The following NPLOC4 variants were observed in gnomAD, a reference collection of about 807,000 sequenced individuals.
NPLOC4 encodes nuclear protein localization protein 4 homolog.
Under a neutral mutation model 80.6 loss-of-function variants are expected in NPLOC4, and 18 were observed. The ratio of observed to expected loss-of-function variants is 0.22; its 90% CI spans 0.15 to 0.33. The LOEUF (loss-of-function observed/expected upper bound fraction) is 0.33. Among genes scored for constraint, NPLOC4 ranks in the 10% least tolerant of loss-of-function variants. The pLI, the probability that NPLOC4 is intolerant of heterozygous loss-of-function variation, is 1.00. For synonymous variants in NPLOC4, 313 were observed against 301.5 expected, an observed-to-expected ratio of 1.04 and a Z score of -0.39; for missense variants, 540 against 786.1, an observed-to-expected ratio of 0.69 and a Z score of 3.74.
In NPLOC4 at chr17:81,580,142, G is replaced by A. The variant is rs867921076; in HGVS notation, c.1282-8054C>T. ...GGGTTCTCCTCAGCCATCCCCTCCA[G>A]GATGGACAACTCGGCCTCTCACCAG... On this transcript the variant is annotated intron_variant, in intron 12 of 16. Transcript: ENST00000331134. This position sits in a 1 kb window ranked among gnomAD's most constrained non-coding sequence, Gnocchi z 4.4. 2.6e-5 allele frequency among the ~76,000 whole-genome samples: 4 copies of A among 152,116 alleles called. No individual in the cohort carries two copies. Among genetic ancestry groups the A allele is most frequent in the Non-Finnish European group, 4.4e-5 (3 of 68,020 alleles).
intron 2 of NPLOC4, among the ~76,000 whole-genome samples, chr17:81,625,528 G>A (rs1055585900): frequency 6.6e-6 from 1 of 152,156 alleles, no homozygotes; most frequent in African/African-American, 2.4e-5. Flanking sequence ...CACAAGAACA[G>A]AAATAAAAAA....
rs60092546 is a variant in NPLOC4 at position 81,623,464 on chromosome 17, CAAAAAA to C, written c.97-1192_97-1187del. On this transcript the variant is annotated intron_variant, in intron 2 of 16. Coordinates refer to ENST00000331134, the MANE Select transcript of NPLOC4 (RefSeq NM_017921.4). ...TGGGTGACAGAGCAAGACTTTGTTTCAAAAAAAAAAAAAAAAAAAAGCAAAACTCTG... is the reference window on the plus strand; with the variant it reads ...TGGGTGACAGAGCAAGACTTTGTTTCAAAAAAAAAAAAAAGCAAAACTCTG... Among the ~76,000 whole-genome samples the C allele has an allele frequency of 1.1e-3, 94 of 82,614 alleles. No individual in the cohort carries two copies. The South Asian group carries it at 0.012, about 10-fold the overall frequency. The allele number at this position is 82,614 out of a possible 152,430, so 54.2% of individuals were successfully genotyped here. A position where few individuals can be genotyped will look rare whatever the true frequency, so the allele number is the denominator to read the frequency against.
At chr17:81,627,697 G>T (rs757737774) in intron 2 of NPLOC4, among the ~76,000 whole-genome samples, 7 of 152,080 alleles carry the variant, frequency 4.6e-5, no homozygotes, top group Non-Finnish European at 8.8e-5. Flanking sequence ...GAACACAGGA[G>T]GCAGAGGCTG....
chr17:81,580,101 T>C lies in NPLOC4; in HGVS notation c.1282-8013A>G, dbSNP rs1038953096. On this transcript the variant is annotated intron_variant, in intron 12 of 16. Coordinates refer to ENST00000331134, the MANE Select transcript of NPLOC4 (RefSeq NM_017921.4). The surrounding 1 kb of genome is among the most constrained non-coding windows in gnomAD (Gnocchi z 4.4). ...CTCCTGCCTCCCAGTGCTCTCCACCTCATTCCCCCAAGGTGGGGTTCTCCT... is the reference window on the plus strand; with the variant it reads ...CTCCTGCCTCCCAGTGCTCTCCACCCCATTCCCCCAAGGTGGGGTTCTCCT... Among the ~76,000 whole-genome samples the C allele has an allele frequency of 6.6e-6, 1 of 152,076 alleles. No individual in the cohort carries two copies. The highest frequency in any genetic ancestry group is 1.5e-5 in the Non-Finnish European group (1 of 68,010).
rs2033749023 is a variant in NPLOC4, at chr17:81,558,971, T to TCTTTCCAACACAGCGGGGGA, written c.*287_*288insTCCCCCGCTGTGTTGGAAAG. On this transcript the variant is annotated 3_prime_UTR_variant, in exon 17 of 17. Coordinates refer to ENST00000331134, the MANE Select transcript of NPLOC4 (RefSeq NM_017921.4). ...CCAGGTGCCACGTAGAGGCGAGAGGTCTTTCCAACACGGCGGGGGACTTGT... is the reference window on the plus strand; with the variant it reads ...CCAGGTGCCACGTAGAGGCGAGAGGTCTTTCCAACACAGCGGGGGACTTTCCAACACGGCGGGGGACTTGT... 1 of 330,828 alleles carries TCTTTCCAACACAGCGGGGGA rather than the reference T, an allele frequency of 3.0e-6. No homozygotes were observed. Among genetic ancestry groups the TCTTTCCAACACAGCGGGGGA allele is most frequent in the Non-Finnish European group, 5.5e-6 (1 of 181,050 alleles). 20.5% of individuals were successfully genotyped at this position (330,828 alleles called of 1,614,324 possible).
chr17:81,559,202 T>C lies in NPLOC4; in HGVS notation c.*57A>G. ...TACAGGGAACACACTCAGCAACGCT[T>C]CTGGCTTCAGGAAGGGCTGGGCTGG... On this transcript the variant is annotated 3_prime_UTR_variant, in exon 17 of 17. Coordinates refer to ENST00000331134, the MANE Select transcript of NPLOC4 (RefSeq NM_017921.4). The C allele has an allele frequency of 1.3e-6, 2 of 1,525,882 alleles. No homozygotes were observed. Among genetic ancestry groups the C allele is most frequent in the Non-Finnish European group, 1.8e-6 (2 of 1,134,072 alleles). The allele number at this position is 1,525,882 out of a possible 1,614,324, so 94.5% of individuals were successfully genotyped here.
Position 81,619,075 on chromosome 17 carries a change from G to A in NPLOC4, c.209+3091C>T, listed in dbSNP as rs894014646. 4.6e-5 allele frequency among the ~76,000 whole-genome samples: 7 copies of A among 152,176 alleles called. No individual in the cohort carries two copies. The East Asian group carries it at 7.7e-4, about 17-fold the overall frequency. Reference sequence around the variant, plus strand: ...AGGGACACAAACACTGCGGAAGGCCGCAGGGTCCTCTGCCTAGGAAAACCA... The same window carrying A: ...AGGGACACAAACACTGCGGAAGGCCACAGGGTCCTCTGCCTAGGAAAACCA... On this transcript the variant is annotated intron_variant, in intron 3 of 16. Coordinates refer to ENST00000331134, the MANE Select transcript of NPLOC4 (RefSeq NM_017921.4).
At chr17:81,576,331 G>A (rs2034300267) in intron 12 of NPLOC4, among the ~76,000 whole-genome samples, 1 of 152,222 alleles carries the variant, frequency 6.6e-6, no homozygotes, top group Non-Finnish European at 1.5e-5. Flanking sequence ...GGTTTGAACT[G>A]AGCAGGTCCA....
At chr17:81,585,951 T>G (rs934998942) in intron 12 of NPLOC4, among the ~76,000 whole-genome samples, 1 of 152,180 alleles carries the variant, frequency 6.6e-6, no homozygotes, top group Non-Finnish European at 1.5e-5. Flanking sequence ...ATCACGCCAC[T>G]GCACTCCAGT....
chr17:81,608,654 A>C, intron 6 of NPLOC4, 74 bp downstream of exon 6: 1 of 1,063,374 alleles, frequency 9.4e-7, no homozygotes. Flanking sequence ...TCACACGTTC[A>C]CTGGCTATAA....
chr17:81,610,022 C>A (rs1314882931), intron 5 of NPLOC4, among the ~76,000 whole-genome samples, 188 bp downstream of exon 5: 1 of 152,198 alleles, frequency 6.6e-6, no homozygotes, highest in Non-Finnish European at 1.5e-5. Flanking sequence ...GAAGGTCACT[C>A]CCATAAATAA....
At chr17:81,605,390 T>G (rs1187846842) in intron 7 of NPLOC4, among the ~76,000 whole-genome samples, 3 of 152,084 alleles carry the variant, frequency 2.0e-5, no homozygotes, top group African/African-American at 4.8e-5. Context: ...CTCATGCCTG[T>G]AATCCCAGCA....
chr17:81,596,384 G>T, intron 10 of NPLOC4, 142 bp from the exon 11 acceptor site: 3 of 886,746 alleles, frequency 3.4e-6, no homozygotes, highest in Non-Finnish European at 5.0e-6. Context: ...GAGGCGGGAG[G>T]TCCACTTGAG....
rs1455635810 is a variant in NPLOC4, at chr17:81,580,196, T to C, written c.1282-8108A>G. Among the ~76,000 whole-genome samples the C allele has an allele frequency of 6.6e-6, 1 of 152,122 alleles. No individual in the cohort carries two copies. The highest frequency in any genetic ancestry group is 2.4e-5 in the African/African-American group (1 of 41,414). On this transcript the variant is annotated intron_variant, in intron 12 of 16. Coordinates refer to ENST00000331134, the MANE Select transcript of NPLOC4 (RefSeq NM_017921.4). The surrounding 1 kb of genome is among the most constrained non-coding windows in gnomAD (Gnocchi z 4.4). ...TCAAGCACCACCCCAACACCATCTG[T>C]ACCATGTGCCTCTCCCAAGCAATGC...
intron 15 of NPLOC4, chr17:81,566,882 A>T (rs2034026703): frequency 1.9e-5 from 3 of 157,226 alleles, no homozygotes; most frequent in Admixed American, 1.2e-4. Flanking sequence ...TACCCAGAGC[A>T]GCCACTTCTG....
chr17:81,623,730 G>A (rs544246828), intron 2 of NPLOC4, among the ~76,000 whole-genome samples: 10 of 148,800 alleles, frequency 6.7e-5, no homozygotes, highest in African/African-American at 1.7e-4. Flanking sequence ...CCCGGGAGGC[G>A]GAGCTTGCAG....
intron 16 of NPLOC4, chr17:81,564,493 T>C (rs2033949862): frequency 6.6e-6 from 1 of 152,004 alleles, no homozygotes; most frequent in Admixed American, 6.6e-5. Context: ...AAGAATTGTG[T>C]GAAAAGAAAA....
intron 8 of NPLOC4, among the ~76,000 whole-genome samples, chr17:81,602,884 T>C (rs1160836166): frequency 6.6e-6 from 1 of 151,666 alleles, no homozygotes; most frequent in Non-Finnish European, 1.5e-5. Flanking sequence ...ACACACACTA[T>C]ATATGTATAT....
chr17:81,620,689 A>T lies in NPLOC4; in HGVS notation c.209+1477T>A, dbSNP rs184824227. On this transcript the variant is annotated intron_variant, in intron 3 of 16. Transcript: ENST00000331134. ...TGTTTAATAATTAAAAAGAGGAGGG[A>T]GAAAAAAAGGCCAAGCAACAGAAGA... 1.8e-3 allele frequency among the ~76,000 whole-genome samples: 268 copies of T among 152,118 alleles called. 2 individuals carry two copies. Among genetic ancestry groups the T allele is most frequent in the African/African-American group, 6.2e-3 (258 of 41,482 alleles).
Sources: gnomAD v4.1 joint callset for allele counts (sites outside exome capture counted in the v4.1 genomes callset) on GRCh38, gnomAD v4.1.1 for gene constraint, Gnocchi (gnomAD v3.1) non-coding constraint, MANE v1.5 for transcripts, NCBI Gene and HGNC (gene_info 2026-07-23, HGNC 2026-07-21) for gene names.